Variants in SGCD observed in about 807,000 individuals in gnomAD.
SGCD encodes the protein sarcoglycan delta.
SGCD carries 18 observed loss-of-function variants against 36.6 expected under a neutral mutation model. The observed-to-expected ratio is 0.49, with a 90% CI of 0.34 to 0.73. The LOEUF (loss-of-function observed/expected upper bound fraction) is 0.73, where lower values mean the gene tolerates loss of function less well. Among genes scored for constraint, SGCD ranks in the 30% least tolerant of loss-of-function variants. SGCD has a pLI of 0.01. For synonymous variants in SGCD, 133 were observed against 130.6 expected, an observed-to-expected ratio of 1.02 and a Z score of -0.12; for missense variants, 387 against 346.7, an observed-to-expected ratio of 1.12 and a Z score of -0.92.
chr5:156,475,732 A>C (rs1204473227), intron 3 of SGCD, among the ~76,000 whole-genome samples: 1 of 152,198 alleles, frequency 6.6e-6, no homozygotes, highest in Non-Finnish European at 1.5e-5. Context: ...TCCGAAGTGT[A>C]TATTTCTTTG....
intron 1 of SGCD, among the ~76,000 whole-genome samples, chr5:155,917,040 C>T (rs1278447773): frequency 2.0e-5 from 3 of 152,080 alleles, no homozygotes; most frequent in South Asian, 2.1e-4. Flanking sequence ...AGAGCGTTTC[C>T]GAGTCTGATA....
chr5:155,743,425 A>C, the SGCD span, among the ~76,000 whole-genome samples: 2 of 152,220 alleles, frequency 1.3e-5, no homozygotes, highest in South Asian at 4.1e-4. Flanking sequence ...CTCAGAAAAC[A>C]GGTCAGAGAC....
chr5:156,586,016 T>C (rs571326261), intron 4 of SGCD, among the ~76,000 whole-genome samples: 35 of 152,088 alleles, frequency 2.3e-4, no homozygotes, highest in Non-Finnish European at 4.3e-4. Context: ...CCAATAATGA[T>C]ACATTATTAT....
At chr5:156,456,664 G>T (rs1361074718) in intron 3 of SGCD, among the ~76,000 whole-genome samples, 1 of 152,230 alleles carries the variant, frequency 6.6e-6, no homozygotes, top group Non-Finnish European at 1.5e-5. Context: ...GAAGCTGGAA[G>T]AGCTGAGGAA....
At chr5:156,153,208 T>C (rs1050205733) in intron 3 of SGCD, among the ~76,000 whole-genome samples, 4 of 151,464 alleles carry the variant, frequency 2.6e-5, no homozygotes, top group Non-Finnish European at 4.4e-5. Flanking sequence ...CATAGATAAG[T>C]AGCCTTGCAA....
intron 3 of SGCD, among the ~76,000 whole-genome samples, chr5:156,314,176 G>T (rs150019840): frequency 2.0e-5 from 3 of 151,894 alleles, no homozygotes; most frequent in Non-Finnish European, 4.4e-5. Context: ...CTATAGGAGG[G>T]TCACTGTATT....
At chr5:156,205,231 T>A (rs923068327) in intron 3 of SGCD, among the ~76,000 whole-genome samples, 47 of 152,194 alleles carry the variant, frequency 3.1e-4, no homozygotes, top group Admixed American at 2.7e-3. Flanking sequence ...GGATACTCCA[T>A]GATCCTGCAT....
At chr5:156,425,191 G>C (rs1403860384) in intron 3 of SGCD, among the ~76,000 whole-genome samples, 1 of 151,986 alleles carries the variant, frequency 6.6e-6, no homozygotes, top group African/African-American at 2.4e-5. Context: ...ATCTGTCAGT[G>C]CACTGAAAGC....
At chr5:156,290,502 A>G (rs1766730103) in intron 3 of SGCD, among the ~76,000 whole-genome samples, 1 of 152,118 alleles carries the variant, frequency 6.6e-6, no homozygotes, top group Admixed American at 6.6e-5. Flanking sequence ...TCCGAGTCCT[A>G]GTGTTCTCAC....
At chr5:156,705,596 T>C (rs973533072) in intron 7 of SGCD, among the ~76,000 whole-genome samples, 4 of 152,162 alleles carry the variant, frequency 2.6e-5, no homozygotes, top group Admixed American at 2.6e-4. Context: ...GTGATTACCC[T>C]TTTGATCTGC....
intron 1 of SGCD, among the ~76,000 whole-genome samples, chr5:156,001,250 G>A (rs535071923): frequency 1.3e-5 from 2 of 152,222 alleles, no homozygotes; most frequent in South Asian, 2.1e-4. Flanking sequence ...GCTGTTTAAC[G>A]AAATGAAGAT....
the SGCD span, among the ~76,000 whole-genome samples, chr5:155,743,872 A>G: frequency 1.3e-5 from 2 of 152,234 alleles, no homozygotes; most frequent in African/African-American, 4.8e-5. Context: ...GCTAGCTGTG[A>G]GCCAGAAAGT....
chr5:155,870,618 A>C (rs1417215623), intron 1 of SGCD, among the ~76,000 whole-genome samples: 1 of 152,104 alleles, frequency 6.6e-6, no homozygotes, highest in African/African-American at 2.4e-5. Flanking sequence ...TAATATTCTG[A>C]TGATTGTATT....
chr5:155,999,143 C>T (rs762030622), intron 1 of SGCD, among the ~76,000 whole-genome samples: 17 of 152,216 alleles, frequency 1.1e-4, no homozygotes, highest in Non-Finnish European at 2.4e-4. Context: ...GACTCATCTG[C>T]CAACATCTGG....
intron 1 of SGCD, among the ~76,000 whole-genome samples, chr5:155,971,738 G>A (rs1053361143): frequency 3.9e-5 from 6 of 152,072 alleles, no homozygotes; most frequent in African/African-American, 1.4e-4. Flanking sequence ...CATACCTGTT[G>A]AGTGTCCTAT....
intron 7 of SGCD, among the ~76,000 whole-genome samples, chr5:156,689,947 G>A (rs1414847528): frequency 1.3e-5 from 2 of 152,186 alleles, no homozygotes; most frequent in Non-Finnish European, 2.9e-5. Context: ...CTTATGTCTT[G>A]TAGTGTCTGT....
chr5:156,720,710 A>T (rs1755453587), intron 7 of SGCD, among the ~76,000 whole-genome samples: 2 of 152,186 alleles, frequency 1.3e-5, no homozygotes, highest in Admixed American at 1.3e-4. Flanking sequence ...ACAAAAGGCA[A>T]TCTCCCAAAG....
the SGCD span, among the ~76,000 whole-genome samples, chr5:155,769,078 A>C: frequency 2.2e-4 from 33 of 152,176 alleles, no homozygotes; most frequent in African/African-American, 8.0e-4. Flanking sequence ...CAAACTGTCC[A>C]TTAAAAAGAT....
At chr5:156,457,953 T>C (rs1754328444) in intron 3 of SGCD, among the ~76,000 whole-genome samples, 1 of 152,142 alleles carries the variant, frequency 6.6e-6, no homozygotes, top group Non-Finnish European at 1.5e-5. Context: ...TTCCCAGCTA[T>C]GCTATGTCTT....
Sources: allele counts gnomAD v4.1 joint callset (sites outside exome capture counted in the v4.1 genomes callset), GRCh38; gene constraint gnomAD v4.1.1; transcripts MANE v1.5; gene names NCBI Gene and HGNC (gene_info 2026-07-23, HGNC 2026-07-21).